The following FADD variants were observed in gnomAD, a reference collection of about 807,000 sequenced individuals.
FADD encodes FAS-associated death domain protein.
A neutral mutation model predicts 5.8 loss-of-function variants in FADD; 3 were observed. The observed-to-expected ratio is 0.52, with a 90% CI of 0.24 to 1.34. FADD has a LOEUF of 1.34. FADD is among the 40% of genes most tolerant of loss of function. The pLI, the probability that FADD is intolerant of heterozygous loss-of-function variation, is 0.17. For synonymous variants in FADD, 138 were observed against 130.8 expected (o/e 1.06, Z -0.38); for missense variants, 249 against 286.7 (o/e 0.87, Z 0.95).
In FADD at chr11:70,206,472, G is replaced by C; in HGVS notation, c.626G>C (p.Ter209SerextTer38). The C allele has an allele frequency of 6.2e-7, 1 of 1,612,846 alleles. No individual in the cohort carries two copies. The highest frequency in any genetic ancestry group is 8.5e-7 in the Non-Finnish European group (1 of 1,179,290). ...GACGCATCTACCTCCGAAGCGTCCT[G>C]ATGGGCCGCTGCTTTGCGCTGGTGG... ...NSDASTSEAS* is the reference protein window; with the variant it reads ...NSDASTSEASS The change falls in exon 2 of 2, where the codon TGA becomes TCA. Residue 209 changes from the stop codon to serine, a stop_lost. Transcript: ENST00000301838.
Position 70,203,354 on chromosome 11 carries a change from C to G in FADD, c.-106C>G. On this transcript the variant is annotated 5_prime_UTR_variant, in exon 1 of 2. It adds an upstream start codon to the 5' untranslated region. Coordinates refer to ENST00000301838, the MANE Select transcript of FADD (RefSeq NM_003824.4). ...CGGAGTGCAGGTTCGGGGGTGGAAT[C>G]CTTGGGCCGCTGGGCAAGCGGCGAG... 1 of 1,521,856 alleles carries G rather than the reference C, an allele frequency of 6.6e-7. No individual in the cohort carries two copies. The highest frequency in any genetic ancestry group is 8.8e-7 in the Non-Finnish European group (1 of 1,136,226). 94.3% of individuals were successfully genotyped at this position (1,521,856 alleles called of 1,614,324 possible). A position where few individuals can be genotyped will look rare whatever the true frequency, so the allele number is the denominator to read the frequency against.
Position 70,203,323 on chromosome 11 carries a change from A to T in FADD, c.-137A>T, listed in dbSNP as rs2049435233. The T allele has an allele frequency of 1.4e-6, 2 of 1,446,540 alleles. No individual in the cohort carries two copies. Among genetic ancestry groups the T allele is most frequent in the Non-Finnish European group, 1.8e-6 (2 of 1,091,104 alleles). The allele number at this position is 1,446,540 out of a possible 1,614,324, so 89.6% of individuals were successfully genotyped here. ...TCTTGTCGATTTCCTGTAGTGAATC[A>T]GGCACCGGAGTGCAGGTTCGGGGGT... On this transcript the variant is annotated 5_prime_UTR_variant, in exon 1 of 2. Transcript: ENST00000301838.
In FADD at chr11:70,203,634, C is replaced by T. The variant is rs768967977; in HGVS notation, c.175C>T (p.His59Tyr). The T allele has an allele frequency of 1.1e-5, 17 of 1,586,920 alleles. No individual in the cohort carries two copies. In the Admixed American group the frequency reaches 2.3e-4, roughly 21 times the overall value. Residue 59 changes from histidine (H) to tyrosine (Y), a missense_variant, in exon 1 of 2, where the codon CAC becomes TAC. His to Tyr is a moderately conservative substitution (Grantham distance 83, BLOSUM62 2). Coordinates refer to ENST00000301838, the MANE Select transcript of FADD (RefSeq NM_003824.4). ...GGAGCAGAACGACCTGGAGCCCGGG[C>T]ACACCGAGCTCCTGCGCGAGCTGCT... ...LLEQNDLEPG[H>Y]TELLRELLAS... is the part of the protein sequence containing the mutation.
At chr11:70,204,210 A>G (rs1475515732) in intron 1 of FADD, among the ~76,000 whole-genome samples, 1 of 152,222 alleles carries the variant, frequency 6.6e-6, no homozygotes, top group African/African-American at 2.4e-5. Flanking sequence ...TGTGGCTTAG[A>G]TACTGTTAGC....
Position 70,206,153 on chromosome 11 carries a change from G to A in FADD, c.307G>A (p.Val103Ile), listed in dbSNP as rs200845739. ...GEEDLCAAFN[V>I]ICDNVGKDWR... is the part of the protein sequence containing the mutation. ...CCCAGACCTGTGTGCAGCATTTAAC[G>A]TCATATGTGATAATGTGGGGAAAGA... Residue 103 changes from valine to isoleucine, a missense_variant, in exon 2 of 2, where the codon GTC (valine) becomes ATC (isoleucine). Coordinates refer to ENST00000301838, the MANE Select transcript of FADD (RefSeq NM_003824.4). 123 of 1,613,946 alleles carry A rather than the reference G, an allele frequency of 7.6e-5. No homozygotes were observed. The highest frequency in any genetic ancestry group is 9.2e-5 in the Non-Finnish European group (108 of 1,179,994).
In FADD at chr11:70,203,627, G is replaced by T. The variant is rs777501231; in HGVS notation, c.168G>T (p.Glu56Asp). The T allele has an allele frequency of 1.1e-5, 17 of 1,591,716 alleles. No homozygotes were observed. In the South Asian group the frequency reaches 1.6e-4, roughly 15 times the overall value. The change falls in exon 1 of 2, where the codon GAG (glutamate) becomes GAT (aspartate). Residue 56 changes from glutamate (E) to aspartate (D), a missense_variant. Physicochemically the swap from Glu to Asp is conservative, Grantham distance 45. Coordinates refer to ENST00000301838, the MANE Select transcript of FADD (RefSeq NM_003824.4). Reference protein sequence around the residue: ...FSMLLEQNDLEPGHTELLREL... With the variant: ...FSMLLEQNDLDPGHTELLREL... ...TGCTGCTGGAGCAGAACGACCTGGAGCCCGGGCACACCGAGCTCCTGCGCG... is the reference window on the plus strand; with the variant it reads ...TGCTGCTGGAGCAGAACGACCTGGATCCCGGGCACACCGAGCTCCTGCGCG...
chr11:70,203,716 C>T lies in FADD; in HGVS notation c.257C>T (p.Ala86Val). 6 of 1,421,292 alleles carry T rather than the reference C, an allele frequency of 4.2e-6. No individual in the cohort carries two copies. Among genetic ancestry groups the T allele is most frequent in the South Asian group, 3.1e-5 (2 of 64,086 alleles). 88.0% of individuals were successfully genotyped at this position (1,421,292 alleles called of 1,614,324 possible). ...LRRVDDFEAG[A>V]AAGAAPGEED... ...CGCGTCGACGACTTCGAGGCGGGGG[C>T]GGCGGCCGGGGCCGCGCCTGGGGAA... The change falls in exon 1 of 2, where the codon GCG (alanine) becomes GTG (valine). Residue 86 changes from alanine to valine, a missense_variant. Transcript: ENST00000301838.
In FADD at chr11:70,206,477, G is replaced by A; in HGVS notation, c.*4G>A. ...ATCTACCTCCGAAGCGTCCTGATGG[G>A]CCGCTGCTTTGCGCTGGTGGACCAC... is the stretch of plus-strand genomic sequence containing the variant. On this transcript the variant is annotated 3_prime_UTR_variant, in exon 2 of 2. Transcript: ENST00000301838. The A allele has an allele frequency of 1.2e-6, 2 of 1,612,964 alleles. No homozygotes were observed. Among genetic ancestry groups the A allele is most frequent in the African/African-American group, 1.3e-5 (1 of 75,016 alleles).
intron 1 of FADD, 149 bp from the exon 2 acceptor site, chr11:70,205,984 T>C: frequency 1.4e-6 from 1 of 730,404 alleles, no homozygotes; most frequent in Non-Finnish European, 2.4e-6. Flanking sequence ...GCCCCTTTGC[T>C]GCCAGGCGAC....
At position 70,206,791 on chromosome 11, in the gene FADD, C is replaced by T. The variant is rs1249554736; in HGVS notation, c.*318C>T. On this transcript the variant is annotated 3_prime_UTR_variant, in exon 2 of 2. Coordinates refer to ENST00000301838, the MANE Select transcript of FADD (RefSeq NM_003824.4). Reference sequence around the variant, plus strand: ...CACAGAAGGAATCTGTGCAGATGAGCAGTCACACTGTTACTCCACAGCGGA... The same window carrying T: ...CACAGAAGGAATCTGTGCAGATGAGTAGTCACACTGTTACTCCACAGCGGA... 1.5e-5 allele frequency: 6 copies of T among 392,746 alleles called. No individual in the cohort carries two copies. Among genetic ancestry groups the T allele is most frequent in the African/African-American group, 8.2e-5 (4 of 48,750 alleles). The allele number at this position is 392,746 out of a possible 1,614,324, so 24.3% of individuals were successfully genotyped here. A position where few individuals can be genotyped will look rare whatever the true frequency, so the allele number is the denominator to read the frequency against.
intron 1 of FADD, among the ~76,000 whole-genome samples, chr11:70,205,879 C>T (rs999487197): frequency 6.6e-6 from 1 of 152,200 alleles, no homozygotes; most frequent in Non-Finnish European, 1.5e-5. Context: ...TCCTTTGGCA[C>T]TTGAGTCTTC....
At position 70,206,548 on chromosome 11, in the gene FADD, C is replaced by T; in HGVS notation, c.*75C>T. 7 of 1,418,786 alleles carry T rather than the reference C, an allele frequency of 4.9e-6. No individual in the cohort carries two copies. Among genetic ancestry groups the T allele is most frequent in the Non-Finnish European group, 6.8e-6 (7 of 1,022,360 alleles). The allele number at this position is 1,418,786 out of a possible 1,614,324, so 87.9% of individuals were successfully genotyped here. ...CTTTGGTTCTCTCCAGGAAGGTAGC[C>T]CAGCACTGTGAAGACCCAGCAGGAA... On this transcript the variant is annotated 3_prime_UTR_variant, in exon 2 of 2. Coordinates refer to ENST00000301838, the MANE Select transcript of FADD (RefSeq NM_003824.4).
At chr11:70,205,108 AAC>A (rs2049449534) in intron 1 of FADD, among the ~76,000 whole-genome samples, 1 of 152,162 alleles carries the variant, frequency 6.6e-6, no homozygotes, top group Admixed American at 6.6e-5. Flanking sequence ...CAGTCATGGT[AAC>A]ACAGTGCCCA....
chr11:70,206,631 G>T lies in FADD; in HGVS notation c.*158G>T. The stretch of plus-strand genomic sequence containing the variant: ...CTGAACTCAAGCTGCGTTTATTAAT[G>T]CCTCTCCCGCACCAGGCCGGGCTTG... On this transcript the variant is annotated 3_prime_UTR_variant, in exon 2 of 2. Transcript: ENST00000301838. The T allele has an allele frequency of 1.5e-6, 1 of 682,070 alleles. No homozygotes were observed. Among genetic ancestry groups the T allele is most frequent in the Admixed American group, 2.3e-5 (1 of 43,976 alleles). 42.3% of individuals were successfully genotyped at this position (682,070 alleles called of 1,614,324 possible).
At chr11:70,206,000 C>A in intron 1 of FADD, 133 bp from the exon 2 acceptor site, 1 of 790,030 alleles carries the variant, frequency 1.3e-6, no homozygotes, top group Non-Finnish European at 2.2e-6. Context: ...GCGACTCTAG[C>A]CTCTACAGAG....
In FADD at chr11:70,206,722, A is replaced by C; in HGVS notation, c.*249A>C. ...CTGAGCAAGATCTTGTCTCCACTAA[A>C]TGAGCTCCTGCGGGAGTAGTTGGAA... On this transcript the variant is annotated 3_prime_UTR_variant, in exon 2 of 2. Transcript: ENST00000301838. 6.6e-5 allele frequency: 34 copies of C among 514,624 alleles called. No individual in the cohort carries two copies. Among genetic ancestry groups the C allele is most frequent in the East Asian group, 1.8e-4 (5 of 28,108 alleles). 31.9% of individuals were successfully genotyped at this position (514,624 alleles called of 1,614,324 possible). A position where few individuals can be genotyped will look rare whatever the true frequency, so the allele number is the denominator to read the frequency against.
At position 70,206,212 on chromosome 11, in the gene FADD, A is replaced by G; in HGVS notation, c.366A>G (p.Ser122=). The change falls in exon 2 of 2, where the codon TCA becomes TCG. Residue 122 remains serine, a synonymous_variant. Coordinates refer to ENST00000301838, the MANE Select transcript of FADD (RefSeq NM_003824.4). ...GGCTGGCTCGTCAGCTCAAAGTCTC[A>G]GACACCAAGATCGACAGCATCGAGG... ...WRRLARQLKV[S]DTKIDSIEDR... 6.2e-7 allele frequency: 1 copy of G among 1,614,162 alleles called. No homozygotes were observed. The highest frequency in any genetic ancestry group is 8.5e-7 in the Non-Finnish European group (1 of 1,180,016).
In FADD at chr11:70,206,490, G is replaced by A. The variant is rs372852091; in HGVS notation, c.*17G>A. 42 of 1,601,642 alleles carry A rather than the reference G, an allele frequency of 2.6e-5. No homozygotes were observed. Among genetic ancestry groups the A allele is most frequent in the Admixed American group, 6.8e-5 (4 of 59,182 alleles). On this transcript the variant is annotated 3_prime_UTR_variant, in exon 2 of 2. Coordinates refer to ENST00000301838, the MANE Select transcript of FADD (RefSeq NM_003824.4). ...GCGTCCTGATGGGCCGCTGCTTTGC[G>A]CTGGTGGACCACAGGCATCTACACA...
In FADD at chr11:70,203,386, C is replaced by T. The variant is rs1195832545; in HGVS notation, c.-74C>T. Reference sequence around the variant, plus strand: ...CCGCTGGGCAAGCGGCGAGACCTGGCCAGGGCCAGCGAGCCGAGGACAGAG... The same window carrying T: ...CCGCTGGGCAAGCGGCGAGACCTGGTCAGGGCCAGCGAGCCGAGGACAGAG... On this transcript the variant is annotated 5_prime_UTR_variant, in exon 1 of 2. Coordinates refer to ENST00000301838, the MANE Select transcript of FADD (RefSeq NM_003824.4). The T allele has an allele frequency of 3.9e-6, 6 of 1,542,176 alleles. No individual in the cohort carries two copies. The East Asian group carries it at 1.2e-4, about 32-fold the overall frequency.
Sources: allele counts gnomAD v4.1 joint callset (sites outside exome capture counted in the v4.1 genomes callset), GRCh38; gene constraint gnomAD v4.1.1; transcripts MANE v1.5; gene names NCBI Gene and HGNC (gene_info 2026-07-23, HGNC 2026-07-21).